The following FHOD3 variants were observed in gnomAD, a reference collection of about 807,000 sequenced individuals.
FHOD3 encodes the protein formin homology 2 domain containing 3.
FHOD3 carries 90 observed loss-of-function variants against 173.0 expected under a neutral mutation model. The ratio of observed to expected loss-of-function variants is 0.52; its 90% confidence interval spans 0.44 to 0.62. FHOD3 has a LOEUF of 0.62. Among genes scored for constraint, FHOD3 ranks in the 20% least tolerant of loss-of-function variants. The probability of loss-of-function intolerance (pLI) is 0.00; values close to 1 mark genes in which losing one functional copy is unlikely to be tolerated. For missense variants in FHOD3, 1,945 were observed against 2,034.7 expected (o/e 0.96, Z 0.85); for synonymous variants, 828 against 823.0 (o/e 1.01, Z -0.10).
chr18:36,564,121 G>A (rs1241904053), intron 5 of FHOD3, among the ~76,000 whole-genome samples: 5 of 152,048 alleles, frequency 3.3e-5, no homozygotes, highest in Admixed American at 6.5e-5. Flanking sequence ...ACACATGAGC[G>A]CGAATGAGAC....
intron 3 of FHOD3, among the ~76,000 whole-genome samples, chr18:36,408,017 G>A (rs2049154059): frequency 6.6e-6 from 1 of 152,178 alleles, no homozygotes; most frequent in Admixed American, 6.5e-5. Context: ...AGGCTCAGGA[G>A]CGTGTGGCCT....
intron 6 of FHOD3, among the ~76,000 whole-genome samples, chr18:36,584,750 T>TA: frequency 1.3e-5 from 2 of 152,276 alleles, no homozygotes; most frequent in Non-Finnish European, 2.9e-5. Flanking sequence ...TCAGCTTGAA[T>TA]AACACATAGA....
chr18:36,312,115 C>G (rs2092271815), intron 1 of FHOD3, among the ~76,000 whole-genome samples: 1 of 152,182 alleles, frequency 6.6e-6, no homozygotes, highest in Non-Finnish European at 1.5e-5. Context: ...AGGTACTTGT[C>G]TTTAAATCTA....
intron 1 of FHOD3, among the ~76,000 whole-genome samples, chr18:36,334,316 G>C (rs1304981842): frequency 6.6e-6 from 1 of 152,224 alleles, no homozygotes; most frequent in South Asian, 2.1e-4. Context: ...AAGTTAAGGA[G>C]AGGCAGCTCT....
chr18:36,330,131 A>T (rs1401500166), intron 1 of FHOD3, among the ~76,000 whole-genome samples: 1 of 152,182 alleles, frequency 6.6e-6, no homozygotes, highest in Non-Finnish European at 1.5e-5. Context: ...CCTAGCTTGA[A>T]ATTAACCAAC....
Position 36,744,279 on chromosome 18 carries a change from A to G in FHOD3, c.4041+86A>G, listed in dbSNP as rs538929533. ...GTCATCCTCGAGGAACACGAGCCCT[A>G]TTAAGTAAAATGCCCAAGTGCTGCC... On this transcript the variant is annotated intron_variant, in intron 23 of 28. Transcript: ENST00000590592. 3.7e-5 allele frequency: 51 copies of G among 1,384,932 alleles called. No individual in the cohort carries two copies. The Admixed American group carries it at 5.0e-4, about 13-fold the overall frequency. The allele number at this position is 1,384,932 out of a possible 1,614,324, so 85.8% of individuals were successfully genotyped here. A position where few individuals can be genotyped will look rare whatever the true frequency, so the allele number is the denominator to read the frequency against.
At chr18:36,764,360 T>C (rs1473952477) in intron 27 of FHOD3, among the ~76,000 whole-genome samples, 1 of 152,166 alleles carries the variant, frequency 6.6e-6, no homozygotes, top group Non-Finnish European at 1.5e-5. Flanking sequence ...TTTTACCTTG[T>C]GGCACCCAAA....
intron 1 of FHOD3, among the ~76,000 whole-genome samples, chr18:36,327,791 T>C (rs1382996816): frequency 6.6e-6 from 1 of 152,206 alleles, no homozygotes; most frequent in African/African-American, 2.4e-5. Flanking sequence ...AAGGGCCACA[T>C]AGTATTTTAG....
At chr18:36,467,867 G>A (rs1040334775) in intron 3 of FHOD3, among the ~76,000 whole-genome samples, 7 of 152,374 alleles carry the variant, frequency 4.6e-5, no homozygotes, top group South Asian at 2.1e-4. Context: ...GGCTCCAGGC[G>A]TTCTGCGGGT....
At chr18:36,672,661 T>C (rs539898142) in intron 14 of FHOD3, among the ~76,000 whole-genome samples, 39 of 152,326 alleles carry the variant, frequency 2.6e-4, no homozygotes, top group African/African-American at 7.9e-4. Flanking sequence ...TCAGCCTAGA[T>C]TGAAGGGGAT....
chr18:36,614,596 C>T lies in FHOD3; in HGVS notation c.957+2501C>T, dbSNP rs184673085. ...GGATTGGTTTCTAAAATGGCTGTCC[C>T]ATTTTATATTCCTACCAGCACTGTA... On this transcript the variant is annotated intron_variant, in intron 9 of 28. Coordinates refer to ENST00000590592, the MANE Select transcript of FHOD3 (RefSeq NM_001281740.3). 2.6e-5 allele frequency among the ~76,000 whole-genome samples: 4 copies of T among 152,232 alleles called. No homozygotes were observed. The East Asian group carries it at 7.7e-4, about 29-fold the overall frequency.
chr18:36,648,324 G>A (rs766808617), intron 10 of FHOD3, among the ~76,000 whole-genome samples: 32 of 152,158 alleles, frequency 2.1e-4, no homozygotes, highest in Non-Finnish European at 3.2e-4. Flanking sequence ...GCAAGGCAAG[G>A]GATTGAGAAG....
chr18:36,459,500 C>G (rs1790412148), intron 3 of FHOD3, among the ~76,000 whole-genome samples: 1 of 151,996 alleles, frequency 6.6e-6, no homozygotes, highest in African/African-American at 2.4e-5. Context: ...TCCTATGAAA[C>G]CTTCATTATG....
At chr18:36,709,424 G>T in intron 18 of FHOD3, 33 bp downstream of exon 18, 1 of 1,588,514 alleles carries the variant, frequency 6.3e-7, no homozygotes, top group Non-Finnish European at 8.6e-7. Flanking sequence ...GTCGGCATGT[G>T]CCAGGGAGGC....
chr18:36,508,068 A>G (rs117665953), intron 4 of FHOD3, among the ~76,000 whole-genome samples: 1,565 of 152,256 alleles, frequency 0.01, 13 homozygotes, highest in Non-Finnish European at 0.016. Context: ...CTCCACAACC[A>G]CAACAAAACT....
At chr18:36,445,090 A>G (rs1194650038) in intron 3 of FHOD3, among the ~76,000 whole-genome samples, 1 of 152,236 alleles carries the variant, frequency 6.6e-6, no homozygotes, top group East Asian at 1.9e-4. Context: ...GGTAGAGGGC[A>G]TGACAACAGT....
At chr18:36,754,375 C>T (rs1443055449) in intron 24 of FHOD3, among the ~76,000 whole-genome samples, 2 of 152,238 alleles carry the variant, frequency 1.3e-5, no homozygotes, top group East Asian at 3.9e-4. Context: ...CCACTGTGTT[C>T]TTTCTCATTT....
chr18:36,519,262 T>C (rs936889265), intron 5 of FHOD3, among the ~76,000 whole-genome samples: 2 of 152,208 alleles, frequency 1.3e-5, no homozygotes, highest in Non-Finnish European at 2.9e-5. Flanking sequence ...CACAGGATAC[T>C]GTGTCCTTGT....
At chr18:36,685,040 A>G (rs1337334781) in intron 15 of FHOD3, among the ~76,000 whole-genome samples, 1 of 152,184 alleles carries the variant, frequency 6.6e-6, no homozygotes, top group Admixed American at 6.5e-5. Context: ...CCTGGGCTCA[A>G]GTGATCCTTC....
Sources: allele counts gnomAD v4.1 joint callset (sites outside exome capture counted in the v4.1 genomes callset), GRCh38; gene constraint gnomAD v4.1.1; transcripts MANE v1.5; gene names NCBI Gene and HGNC (gene_info 2026-07-23, HGNC 2026-07-21).